The following CD96 variants were observed in gnomAD, a reference collection of about 807,000 sequenced individuals.
The protein encoded by CD96 is CD96 molecule.
Under a neutral mutation model 71.3 loss-of-function variants are expected in CD96, and 70 were observed. That is an observed-to-expected ratio of 0.98 (90% CI 0.81 to 1.20). The LOEUF (loss-of-function observed/expected upper bound fraction) is 1.20, where lower values mean the gene tolerates loss of function less well. Ranked by LOEUF, CD96 falls within the 50% of genes most tolerant of loss-of-function variation. CD96 has a pLI of 0.00. For synonymous variants in CD96, 248 were observed against 233.0 expected (o/e 1.06, Z -0.59); for missense variants, 742 against 677.5 (o/e 1.10, Z -1.06).
rs1293950918 is a variant in CD96 at position 111,652,225 on chromosome 3, CTG to C, written c.*2421_*2422del. 1 of 152,060 alleles carries C rather than the reference CTG, an allele frequency of 6.6e-6. No individual in the cohort carries two copies. Among genetic ancestry groups the C allele is most frequent in the Non-Finnish European group, 1.5e-5 (1 of 68,006 alleles). 9.4% of individuals were successfully genotyped at this position (152,060 alleles called of 1,614,324 possible). A position where few individuals can be genotyped will look rare whatever the true frequency, so the allele number is the denominator to read the frequency against. ...ACAGCTCAACAACTAGAAAAATAAA[CTG>C]TTTACCTGCCTTAATTATTTATCTT... On this transcript the variant is annotated 3_prime_UTR_variant, in exon 14 of 14. Coordinates refer to ENST00000352690, the MANE Select transcript of CD96 (RefSeq NM_005816.5).
intron 7 of CD96, among the ~76,000 whole-genome samples, chr3:111,602,240 C>A (rs921108771): frequency 6.6e-6 from 1 of 152,074 alleles, no homozygotes; most frequent in African/African-American, 2.4e-5. Flanking sequence ...TAAAAAGAAC[C>A]CTATTCCCAT....
At chr3:111,569,491 A>G (rs1935874823) in intron 3 of CD96, among the ~76,000 whole-genome samples, 1 of 152,226 alleles carries the variant, frequency 6.6e-6, no homozygotes, top group Non-Finnish European at 1.5e-5. Flanking sequence ...ATTAAGTGAG[A>G]TAATTTCAGG....
intron 14 of CD96, among the ~76,000 whole-genome samples, chr3:111,664,945 T>G (rs768929949): frequency 2.0e-5 from 3 of 152,232 alleles, no homozygotes; most frequent in Non-Finnish European, 4.4e-5. Context: ...ATTTTTATTC[T>G]TAGGAAATAC....
Position 111,623,766 on chromosome 3 carries a change from C to T in CD96, c.1193C>T (p.Thr398Ile). 2 of 1,608,220 alleles carry T rather than the reference C, an allele frequency of 1.2e-6. No homozygotes were observed. The highest frequency in any genetic ancestry group is 8.5e-7 in the Non-Finnish European group (1 of 1,174,650). Residue 398 changes from threonine (T) to isoleucine (I), a missense_variant, in exon 9 of 14, where the codon ACA becomes ATA. Transcript: ENST00000352690. ...ATTTTCAAAATAGGATATCCAGCTA[C>T]ATCTTCAGTGACCCTTGTAGATGTG... Reference protein sequence around the residue: ...SSVSPARYPATSSVTLVDVSA... With the variant: ...SSVSPARYPAISSVTLVDVSA...
At chr3:111,599,961 T>C (rs1369377452) in intron 6 of CD96, among the ~76,000 whole-genome samples, 1 of 152,246 alleles carries the variant, frequency 6.6e-6, no homozygotes, top group Non-Finnish European at 1.5e-5. Flanking sequence ...TGGTTTTACA[T>C]TAATTTTCTG....
intron 4 of CD96, among the ~76,000 whole-genome samples, chr3:111,584,080 C>T (rs1047644433): frequency 3.3e-5 from 5 of 152,296 alleles, no homozygotes; most frequent in South Asian, 4.1e-4. Flanking sequence ...ATACACCTCT[C>T]GAATGCTTTG....
chr3:111,609,802 A>G (rs957537775), intron 8 of CD96, among the ~76,000 whole-genome samples: 11 of 152,224 alleles, frequency 7.2e-5, no homozygotes, highest in African/African-American at 2.7e-4. Flanking sequence ...AGGTTCCACC[A>G]CATTGGACCT....
intron 7 of CD96, among the ~76,000 whole-genome samples, chr3:111,604,782 G>A (rs927876826): frequency 2.6e-5 from 4 of 152,150 alleles, no homozygotes; most frequent in African/African-American, 9.6e-5. Flanking sequence ...GAGCTAGATA[G>A]TAAATATATT....
chr3:111,588,954 C>CTT (rs772858162), intron 5 of CD96, among the ~76,000 whole-genome samples: 77 of 136,252 alleles, frequency 5.7e-4, no homozygotes, highest in African/African-American at 1.6e-3. Context: ...CTTTTTTTTT[C>CTT]TTTTTTTTTT....
Position 111,651,479 on chromosome 3 carries a change from A to G in CD96, c.*1673A>G, listed in dbSNP as rs1425231002. On this transcript the variant is annotated 3_prime_UTR_variant, in exon 14 of 14. Coordinates refer to ENST00000352690, the MANE Select transcript of CD96 (RefSeq NM_005816.5). ...AAAAAGCTTGGAAGTGACCAAGGCT[A>G]GGTCACAAAATACACTGTGGCTTCT... is the stretch of plus-strand genomic sequence containing the variant. 6.6e-6 allele frequency: 1 copy of G among 152,302 alleles called. No individual in the cohort carries two copies. Among genetic ancestry groups the G allele is most frequent in the African/African-American group, 2.4e-5 (1 of 41,458 alleles). The allele number at this position is 152,302 out of a possible 1,614,324, so 9.4% of individuals were successfully genotyped here.
At chr3:111,632,364 A>T (rs1039991531) in intron 10 of CD96, among the ~76,000 whole-genome samples, 1 of 152,216 alleles carries the variant, frequency 6.6e-6, no homozygotes, top group Non-Finnish European at 1.5e-5. Flanking sequence ...GAAACATGAA[A>T]AAAAAGCTCA....
intron 8 of CD96, among the ~76,000 whole-genome samples, chr3:111,621,213 G>A (rs1938505265): frequency 6.6e-6 from 1 of 152,136 alleles, no homozygotes; most frequent in South Asian, 2.1e-4. Context: ...TAAGTTCTTT[G>A]ATGTTTATTT....
At chr3:111,645,235 T>C (rs1047743648) in intron 12 of CD96, among the ~76,000 whole-genome samples, 7 of 152,014 alleles carry the variant, frequency 4.6e-5, no homozygotes, top group African/African-American at 1.7e-4. Flanking sequence ...CTGGATGAGA[T>C]TGGAGACTAT....
At chr3:111,604,245 G>A (rs1440228239) in intron 7 of CD96, among the ~76,000 whole-genome samples, 1 of 152,116 alleles carries the variant, frequency 6.6e-6, no homozygotes, top group Admixed American at 6.5e-5. Context: ...TGAGAGCCCT[G>A]CCAAGCCTAC....
intron 12 of CD96, among the ~76,000 whole-genome samples, chr3:111,640,028 A>G (rs1171704316): frequency 1.3e-5 from 2 of 152,174 alleles, no homozygotes; most frequent in Non-Finnish European, 2.9e-5. Context: ...CCCAAATGAG[A>G]AGGAACCAGA....
At chr3:111,590,871 G>A (rs149049577) in intron 5 of CD96, among the ~76,000 whole-genome samples, 4 of 152,082 alleles carry the variant, frequency 2.6e-5, no homozygotes, top group South Asian at 2.1e-4. Context: ...AGCCTCATAC[G>A]TCTCTCACTC....
intron 14 of CD96, among the ~76,000 whole-genome samples, chr3:111,662,004 G>A (rs911427966): frequency 2.0e-4 from 30 of 152,340 alleles, no homozygotes; most frequent in African/African-American, 7.0e-4. Context: ...ACTTCTACCT[G>A]GACATTCAGG....
chr3:111,589,957 G>T (rs910386091), intron 5 of CD96, among the ~76,000 whole-genome samples: 1 of 152,132 alleles, frequency 6.6e-6, no homozygotes, highest in Non-Finnish European at 1.5e-5. Flanking sequence ...ACTTCAGAGG[G>T]TTCTTAGGAA....
At chr3:111,611,503 GA>G (rs1412357091) in intron 8 of CD96, among the ~76,000 whole-genome samples, 3 of 152,250 alleles carry the variant, frequency 2.0e-5, no homozygotes, top group African/African-American at 7.2e-5. Flanking sequence ...AAGACAGTGA[GA>G]AGGCTCCAGT....
Sources: allele counts gnomAD v4.1 joint callset (sites outside exome capture counted in the v4.1 genomes callset), GRCh38; gene constraint gnomAD v4.1.1; transcripts MANE v1.5; gene names NCBI Gene and HGNC (gene_info 2026-07-23, HGNC 2026-07-21).